The following FKBP10 variants were observed in gnomAD, a reference collection of about 807,000 sequenced individuals.
FKBP10 encodes FKBP prolyl isomerase 10, also known as peptidyl-prolyl cis-trans isomerase FKBP10.
Under a neutral mutation model 53.7 loss-of-function variants are expected in FKBP10, and 34 were observed. The observed-to-expected ratio is 0.63, with a 90% CI of 0.48 to 0.84. FKBP10 has a LOEUF of 0.84. FKBP10 is among the 40% of genes least tolerant of loss of function. The pLI is 0.00. For synonymous variants in FKBP10, 324 were observed against 335.7 expected, an observed-to-expected ratio of 0.97 and a Z score of 0.38; for missense variants, 748 against 797.8, an observed-to-expected ratio of 0.94 and a Z score of 0.75.
At chr17:41,820,750 T>C (rs2047880402) in intron 7 of FKBP10, 197 bp from the exon 8 acceptor site, 8 of 785,988 alleles carry the variant, frequency 1.0e-5, no homozygotes, top group Non-Finnish European at 1.6e-5. Flanking sequence ...GAGGCCACAC[T>C]TTAGGGGGCA....
intron 4 of FKBP10, 116 bp downstream of exon 4, chr17:41,818,643 T>C: frequency 7.2e-7 from 1 of 1,380,734 alleles, no homozygotes; most frequent in Non-Finnish European, 1.0e-6. Context: ...GGACTCAAGG[T>C]GGGATGAAAT....
Position 41,821,819 on chromosome 17 carries a change from T to C in FKBP10, c.1563+2T>C. The C allele has an allele frequency of 6.2e-7, 1 of 1,613,868 alleles. No individual in the cohort carries two copies. The highest frequency in any genetic ancestry group is 8.5e-7 in the Non-Finnish European group (1 of 1,179,938). On this transcript the variant is annotated splice_donor_variant, in intron 9 of 9. Transcript: ENST00000321562. LOFTEE classifies it high-confidence loss of function. ...GATGGCGAGGTCCCTCCGGAGGAGG[T>C]GGGTGAAGGTTCAGTCCTAATAGCC... is the stretch of plus-strand genomic sequence containing the variant.
Position 41,820,324 on chromosome 17 carries a change from C to A in FKBP10, c.1119C>A (p.Phe373Leu), listed in dbSNP as rs1555616810. 1 of 1,614,248 alleles carries A rather than the reference C, an allele frequency of 6.2e-7. No homozygotes were observed. The highest frequency in any genetic ancestry group is 8.5e-7 in the Non-Finnish European group (1 of 1,180,050). Reference protein sequence around the residue: ...VLIFNVHVIDFHNPADVVEIR... With the variant: ...VLIFNVHVIDLHNPADVVEIR... Reference sequence around the variant, plus strand: ...TCTTCAACGTCCATGTCATTGACTTCCACAACCCTGCGGATGTGGTGGAAA... The same window carrying A: ...TCTTCAACGTCCATGTCATTGACTTACACAACCCTGCGGATGTGGTGGAAA... The change falls in exon 7 of 10, where the codon TTC (phenylalanine) becomes TTA (leucine). Residue 373 changes from phenylalanine to leucine, a missense_variant. Physicochemically the swap from Phe to Leu is conservative, Grantham distance 22. Coordinates refer to ENST00000321562, the MANE Select transcript of FKBP10 (RefSeq NM_021939.4).
In FKBP10 at chr17:41,820,477, G is replaced by T. The variant is rs200352479; in HGVS notation, c.1256+16G>T. ...TGTTCACCTCGTGGGTCCGGGGGGGGGCCGGGACTGGGCAGGTGGGTGGGC... is the reference window on the plus strand; with the variant it reads ...TGTTCACCTCGTGGGTCCGGGGGGGTGCCGGGACTGGGCAGGTGGGTGGGC... On this transcript the variant is annotated intron_variant, in intron 7 of 9. Coordinates refer to ENST00000321562, the MANE Select transcript of FKBP10 (RefSeq NM_021939.4). 84 of 1,613,134 alleles carry T rather than the reference G, an allele frequency of 5.2e-5. No homozygotes were observed. Among genetic ancestry groups the T allele is most frequent in the East Asian group, 1.8e-4 (8 of 44,872 alleles).
rs2047911659 is a variant in FKBP10 at position 41,823,052 on chromosome 17, A to G, written c.*644A>G. ...AAGGAACCATAGAAGAGAGGAAGAA[A>G]ACAAAGGGCATGTGTGAGGGAAGCT... is the stretch of plus-strand genomic sequence containing the variant. On this transcript the variant is annotated 3_prime_UTR_variant, in exon 10 of 10. Transcript: ENST00000321562. 6.3e-6 allele frequency: 1 copy of G among 157,864 alleles called. No individual in the cohort carries two copies. Among genetic ancestry groups the G allele is most frequent in the African/African-American group, 2.4e-5 (1 of 41,430 alleles). 9.8% of individuals were successfully genotyped at this position (157,864 alleles called of 1,614,324 possible).
chr17:41,817,554 C>T (rs1252992613), intron 2 of FKBP10, among the ~76,000 whole-genome samples: 1 of 152,102 alleles, frequency 6.6e-6, no homozygotes, highest in Non-Finnish European at 1.5e-5. Flanking sequence ...TTGCTTGACC[C>T]CGGGAGGCTG....
intron 6 of FKBP10, 164 bp downstream of exon 6, chr17:41,819,839 A>C (rs1555616722): frequency 2.6e-6 from 4 of 1,538,138 alleles, no homozygotes; most frequent in African/African-American, 2.7e-5. Context: ...CCTGCCACAC[A>C]GACTCCATCG....
intron 7 of FKBP10, 137 bp from the exon 8 acceptor site, chr17:41,820,810 C>A: frequency 7.9e-7 from 1 of 1,270,036 alleles, no homozygotes; most frequent in South Asian, 1.5e-5. Flanking sequence ...GGCCCCTGCA[C>A]TCTGCTGCGT....
intron 1 of FKBP10, among the ~76,000 whole-genome samples, chr17:41,814,451 C>T (rs1225107073): frequency 2.0e-5 from 3 of 152,210 alleles, no homozygotes; most frequent in Non-Finnish European, 4.4e-5. Flanking sequence ...CCTGGCAGTC[C>T]TCCAGCCAGT....
intron 4 of FKBP10, chr17:41,819,007 C>T: frequency 3.4e-6 from 2 of 596,286 alleles, no homozygotes; most frequent in South Asian, 2.0e-5. Context: ...CACACGAAGG[C>T]TCAGTATGAG....
chr17:41,814,193 C>G (rs1226083587), intron 1 of FKBP10, among the ~76,000 whole-genome samples: 2 of 152,218 alleles, frequency 1.3e-5, no homozygotes, highest in African/African-American at 4.8e-5. Flanking sequence ...CTCTGAAACA[C>G]ACAACTCAGC....
rs782280522 is a variant in FKBP10, at chr17:41,820,470, G to A, written c.1256+9G>A. ...ACCCAGCTGTTCACCTCGTGGGTCCGGGGGGGGGCCGGGACTGGGCAGGTG... is the reference window on the plus strand; with the variant it reads ...ACCCAGCTGTTCACCTCGTGGGTCCAGGGGGGGGCCGGGACTGGGCAGGTG... On this transcript the variant is annotated intron_variant, in intron 7 of 9. Coordinates refer to ENST00000321562, the MANE Select transcript of FKBP10 (RefSeq NM_021939.4). 2.2e-5 allele frequency: 33 copies of A among 1,495,200 alleles called. No homozygotes were observed. Among genetic ancestry groups the A allele is most frequent in the African/African-American group, 2.8e-5 (2 of 71,776 alleles). 92.6% of individuals were successfully genotyped at this position (1,495,200 alleles called of 1,614,324 possible).
At position 41,813,387 on chromosome 17, in the gene FKBP10, A is replaced by G. The variant is rs1333570207; in HGVS notation, c.245+108A>G. On this transcript the variant is annotated intron_variant, in intron 1 of 9. Transcript: ENST00000321562. ...CTGCATCCCAATACTCTAACCCTAG[A>G]CAGCACCCCTGGGGCCTCCCAGACA... 9 of 1,472,396 alleles carry G rather than the reference A, an allele frequency of 6.1e-6. No homozygotes were observed. In the Admixed American group the frequency reaches 1.0e-4, roughly 17 times the overall value. The allele number at this position is 1,472,396 out of a possible 1,614,324, so 91.2% of individuals were successfully genotyped here.
intron 2 of FKBP10, 121 bp from the exon 3 acceptor site, chr17:41,817,968 T>G: frequency 2.0e-6 from 2 of 1,007,440 alleles, no homozygotes; most frequent in African/African-American, 1.6e-5. Context: ...TAGTGGCATC[T>G]CTGTCCCTGG....
rs782489164 is a variant in FKBP10 at position 41,820,492 on chromosome 17, G to A, written c.1256+31G>A. Reference sequence around the variant, plus strand: ...TCCGGGGGGGGGCCGGGACTGGGCAGGTGGGTGGGCACAGGCATGGGGAGT... The same window carrying A: ...TCCGGGGGGGGGCCGGGACTGGGCAAGTGGGTGGGCACAGGCATGGGGAGT... On this transcript the variant is annotated intron_variant, in intron 7 of 9. Transcript: ENST00000321562. The A allele has an allele frequency of 1.9e-6, 3 of 1,610,874 alleles. No individual in the cohort carries two copies. In the South Asian group the frequency reaches 3.3e-5, roughly 18 times the overall value.
In FKBP10 at chr17:41,816,032, G is replaced by A. The variant is rs531984381; in HGVS notation, c.246-1026G>A. Among the ~76,000 whole-genome samples, 18 of 151,094 alleles carry A rather than the reference G, an allele frequency of 1.2e-4. No individual in the cohort carries two copies. The South Asian group carries it at 3.4e-3, about 28-fold the overall frequency. On this transcript the variant is annotated intron_variant, in intron 1 of 9. Coordinates refer to ENST00000321562, the MANE Select transcript of FKBP10 (RefSeq NM_021939.4). ...TGCCTGTGATCCCAGCTGCTACTTC[G>A]GAGGCTGAGGCAGGAGAATCGCTTA...
At chr17:41,818,601 A>C in intron 4 of FKBP10, 74 bp downstream of exon 4, 11 of 1,586,386 alleles carry the variant, frequency 6.9e-6, no homozygotes, top group Non-Finnish European at 9.5e-6. Context: ...ACAGTTGCTC[A>C]GGTTGTATAC....
rs937970300 is a variant in FKBP10 at position 41,813,366 on chromosome 17, A to C, written c.245+87A>C. On this transcript the variant is annotated intron_variant, in intron 1 of 9. Transcript: ENST00000321562. ...CCTTGTTGCCTCTTTTAAGCTCTGC[A>C]TCCCAATACTCTAACCCTAGACAGC... 5.1e-6 allele frequency: 8 copies of C among 1,564,300 alleles called. No individual in the cohort carries two copies. The South Asian group carries it at 9.0e-5, about 18-fold the overall frequency.
chr17:41,820,827 A>G (rs1433314729), intron 7 of FKBP10, 120 bp from the exon 8 acceptor site: 25 of 1,408,012 alleles, frequency 1.8e-5, no homozygotes, highest in Non-Finnish European at 2.3e-5. Context: ...GCGTGGCCCA[A>G]GTCACCAGTG....
Sources: gnomAD v4.1 joint callset for allele counts (sites outside exome capture counted in the v4.1 genomes callset) on GRCh38, gnomAD v4.1.1 for gene constraint, MANE v1.5 for transcripts, NCBI Gene and HGNC (gene_info 2026-07-23, HGNC 2026-07-21) for gene names.